The following EVC variants were observed in gnomAD, a reference collection of about 807,000 sequenced individuals.
EVC encodes the protein EvC ciliary complex subunit 1.
In EVC, 116 loss-of-function variants were observed where a neutral mutation model predicts 118.9. The ratio of observed to expected loss-of-function variants is 0.98; its 90% CI spans 0.84 to 1.14. The LOEUF is 1.14. Ranked by LOEUF, EVC falls within the 50% of genes most tolerant of loss-of-function variation. The probability of loss-of-function intolerance (pLI) is 0.00; values close to 1 mark genes in which losing one functional copy is unlikely to be tolerated. For synonymous variants in EVC, 619 were observed against 534.7 expected (o/e 1.16, Z -2.18); for missense variants, 1,401 against 1,246.4 (o/e 1.12, Z -1.87).
intron 12 of EVC, 49 bp from the exon 13 acceptor site, chr4:5,793,559 T>C: frequency 6.9e-7 from 1 of 1,458,952 alleles, no homozygotes; most frequent in Non-Finnish European, 9.4e-7. Flanking sequence ...AGCAGGATTG[T>C]TGAAGTGAGT....
chr4:5,771,718 G>A (rs746822524), intron 11 of EVC, among the ~76,000 whole-genome samples: 3 of 152,130 alleles, frequency 2.0e-5, no homozygotes, highest in Non-Finnish European at 4.4e-5. Flanking sequence ...CCCCGTCGCC[G>A]GGAAGCAGGT....
chr4:5,800,856 G>A lies in EVC; in HGVS notation c.2305-1094G>A, dbSNP rs112287178. 2.3e-4 allele frequency among the ~76,000 whole-genome samples: 5 copies of A among 22,164 alleles called. 1 individual carries two copies. The highest frequency in any genetic ancestry group is 3.8e-3 in the South Asian group (2 of 522). The allele number at this position is 22,164 out of a possible 152,430, so 14.5% of individuals were successfully genotyped here. On this transcript the variant is annotated intron_variant, in intron 15 of 20. Transcript: ENST00000264956. ...GGCTAGTCACCTCCGCAGCCTCCGC[G>A]CCGCGCCACACCTGTGTGCTCAGGT...
In EVC at chr4:5,802,075, G is replaced by A. The variant is rs370999882; in HGVS notation, c.2430G>A (p.Gln810=). The A allele has an allele frequency of 5.6e-6, 9 of 1,613,060 alleles. No homozygotes were observed. Reference sequence around the variant, plus strand: ...AGGACCACGAGGAGAGAAAACTGCAGCACCTGAAGACCCTGCAGGGTACGG... The same window carrying A: ...AGGACCACGAGGAGAGAAAACTGCAACACCTGAAGACCCTGCAGGGTACGG... ...IMEDHEERKL[Q]HLKTLQGERM... The change falls in exon 16 of 21, where the codon CAG becomes CAA. Residue 810 remains glutamine (Q), a synonymous_variant. Coordinates refer to ENST00000264956, the MANE Select transcript of EVC (RefSeq NM_153717.3).
At chr4:5,806,481 A>G (rs1249600901) in intron 17 of EVC, among the ~76,000 whole-genome samples, 2 of 152,148 alleles carry the variant, frequency 1.3e-5, no homozygotes, top group East Asian at 1.9e-4. Flanking sequence ...ACTTAAGAAA[A>G]TGGCCTCCAG....
chr4:5,768,075 TGCA>T (rs200296523), intron 11 of EVC, among the ~76,000 whole-genome samples: 1 of 150,696 alleles, frequency 6.6e-6, no homozygotes, highest in South Asian at 2.1e-4. Context: ...TGCTTGGCAT[TGCA>T]GCAGCAGCAG....
intron 8 of EVC, among the ~76,000 whole-genome samples, chr4:5,750,389 A>G (rs1420874538): frequency 6.6e-6 from 1 of 152,264 alleles, no homozygotes; most frequent in Non-Finnish European, 1.5e-5. Flanking sequence ...CCAAATAGGA[A>G]GAAGGAAAGG....
In EVC at chr4:5,742,556, ACAT is replaced by A. The variant is rs1296652519; in HGVS notation, c.801+749_801+751del. ...ATCATCTTTGCTATTGTCACCACTGACATCATCATTCTTTGTCTTTACCACCAT... is the reference window on the plus strand; with the variant it reads ...ATCATCTTTGCTATTGTCACCACTGACATCATTCTTTGTCTTTACCACCAT... On this transcript the variant is annotated intron_variant, in intron 6 of 20. Transcript: ENST00000264956. The surrounding 1 kb of genome is among the most constrained non-coding windows in gnomAD (Gnocchi z 5.2). Among the ~76,000 whole-genome samples, 21 of 152,236 alleles carry A rather than the reference ACAT, an allele frequency of 1.4e-4. No individual in the cohort carries two copies. In the East Asian group the frequency reaches 3.7e-3, roughly 27 times the overall value.
At position 5,802,079 on chromosome 4, in the gene EVC, C is replaced by T. The variant is rs1161329338; in HGVS notation, c.2434C>T (p.Leu812=). 2.5e-6 allele frequency: 4 copies of T among 1,611,516 alleles called. No individual in the cohort carries two copies. The highest frequency in any genetic ancestry group is 3.4e-6 in the Non-Finnish European group (4 of 1,179,202). The change falls in exon 16 of 21, where the codon CTG becomes TTG. Residue 812 remains leucine, a synonymous_variant. Coordinates refer to ENST00000264956, the MANE Select transcript of EVC (RefSeq NM_153717.3). The part of the protein sequence containing the change: ...EDHEERKLQH[L]KTLQGERMEN... ...CCACGAGGAGAGAAAACTGCAGCACCTGAAGACCCTGCAGGGTACGGGACC... is the reference window on the plus strand; with the variant it reads ...CCACGAGGAGAGAAAACTGCAGCACTTGAAGACCCTGCAGGGTACGGGACC...
intron 12 of EVC, among the ~76,000 whole-genome samples, chr4:5,792,837 A>C (rs1306434697): frequency 6.6e-6 from 1 of 152,120 alleles, no homozygotes; most frequent in African/African-American, 2.4e-5. Context: ...GTACCTAAAA[A>C]TAAGTTGACC....
Position 5,742,688 on chromosome 4 carries a change from G to A in EVC, c.801+874G>A, listed in dbSNP as rs1728792618. Among the ~76,000 whole-genome samples, 1 of 151,908 alleles carries A rather than the reference G, an allele frequency of 6.6e-6. No individual in the cohort carries two copies. Among genetic ancestry groups the A allele is most frequent in the South Asian group, 2.1e-4 (1 of 4,798 alleles). On this transcript the variant is annotated intron_variant, in intron 6 of 20. Coordinates refer to ENST00000264956, the MANE Select transcript of EVC (RefSeq NM_153717.3). The surrounding 1 kb of genome is among the most constrained non-coding windows in gnomAD (Gnocchi z 5.2). ...ATTTTTATCATTGTTGTAATTATTGGCATTCTCATTACTACCATCACCGCC... is the reference window on the plus strand; with the variant it reads ...ATTTTTATCATTGTTGTAATTATTGACATTCTCATTACTACCATCACCGCC...
At chr4:5,757,638 G>T (rs1731379959) in intron 11 of EVC, among the ~76,000 whole-genome samples, 1 of 152,190 alleles carries the variant, frequency 6.6e-6, no homozygotes. Context: ...CTCTGTGCTT[G>T]GAAGACTGAA....
the EVC span, chr4:5,824,409 C>G: frequency 3.0e-6 from 3 of 985,246 alleles, no homozygotes; most frequent in East Asian, 3.4e-4. Flanking sequence ...GCCTCCTCGG[C>G]ATAATCACTG....
At chr4:5,713,676 C>CAAAAA (rs35032068) in intron 1 of EVC, among the ~76,000 whole-genome samples, 4 of 71,748 alleles carry the variant, frequency 5.6e-5, no homozygotes, top group African/African-American at 2.5e-4. Context: ...GGCTCCGTCT[C>CAAAAA]AAAAAAAAAA....
chr4:5,794,283 A>T (rs1249274349), intron 13 of EVC, among the ~76,000 whole-genome samples: 7 of 122,530 alleles, frequency 5.7e-5, no homozygotes, highest in African/African-American at 1.9e-4. Context: ...ATATATTTAT[A>T]TATATTTTTA....
intron 13 of EVC, among the ~76,000 whole-genome samples, chr4:5,794,363 T>TTA (rs1553890362): frequency 1.6e-5 from 2 of 125,976 alleles, no homozygotes; most frequent in Non-Finnish European, 3.4e-5. Context: ...ATTTATGTAT[T>TTA]TATATTTATA....
intron 11 of EVC, among the ~76,000 whole-genome samples, chr4:5,767,810 C>T (rs1553881281): frequency 6.6e-6 from 1 of 152,300 alleles, no homozygotes; most frequent in African/African-American, 2.4e-5. Flanking sequence ...CTGGCACTCC[C>T]TAGTGAGATG....
intron 11 of EVC, among the ~76,000 whole-genome samples, chr4:5,760,222 G>T (rs10017452): frequency 6.6e-6 from 1 of 151,510 alleles, no homozygotes; most frequent in Non-Finnish European, 1.5e-5. Context: ...TCACAATACG[G>T]AAGTTCCTGG....
At chr4:5,781,870 G>A (rs1163841713) in intron 11 of EVC, among the ~76,000 whole-genome samples, 1 of 152,072 alleles carries the variant, frequency 6.6e-6, no homozygotes, top group Admixed American at 6.6e-5. Flanking sequence ...AACATGCAAT[G>A]AGATGCCATT....
At chr4:5,760,192 G>A (rs1442809045) in intron 11 of EVC, among the ~76,000 whole-genome samples, 1 of 151,992 alleles carries the variant, frequency 6.6e-6, no homozygotes, top group Non-Finnish European at 1.5e-5. Flanking sequence ...GTGATTTCGG[G>A]GGCCCAATAT....
Sources: allele counts gnomAD v4.1 joint callset (sites outside exome capture counted in the v4.1 genomes callset), GRCh38; gene constraint gnomAD v4.1.1; non-coding constraint Gnocchi (gnomAD v3.1); transcripts MANE v1.5; gene names NCBI Gene and HGNC (gene_info 2026-07-23, HGNC 2026-07-21).